Variants in AMZ2 observed in about 807,000 individuals in gnomAD.
AMZ2 encodes archaelysin family metallopeptidase 2, also known as archaemetzincin-2.
In AMZ2, 26 loss-of-function variants were observed where a neutral mutation model predicts 36.7. The ratio of observed to expected loss-of-function variants is 0.71; its 90% CI spans 0.52 to 0.98. The LOEUF (loss-of-function observed/expected upper bound fraction) is 0.98. Ranked by LOEUF, AMZ2 falls within the 50% of genes least tolerant of loss-of-function variation. AMZ2 has a pLI of 0.00. For missense variants in AMZ2, 394 were observed against 430.5 expected, an observed-to-expected ratio of 0.92 and a Z score of 0.75; for synonymous variants, 144 against 149.1, an observed-to-expected ratio of 0.97 and a Z score of 0.25.
At chr17:68,228,478 G>C (rs2073572386) in intron 1 of AMZ2, among the ~76,000 whole-genome samples, 1 of 152,180 alleles carries the variant, frequency 6.6e-6, no homozygotes, top group East Asian at 1.9e-4. Flanking sequence ...CTGAGGACAA[G>C]GCTCTCTCCA....
Position 68,255,755 on chromosome 17 carries a change from C to T in AMZ2, c.806C>T (p.Ala269Val), listed in dbSNP as rs782337022. 5.9e-5 allele frequency: 95 copies of T among 1,614,090 alleles called. No homozygotes were observed. Among genetic ancestry groups the T allele is most frequent in the Non-Finnish European group, 7.5e-5 (89 of 1,180,048 alleles). Residue 269 changes from alanine to valine, a missense_variant, in exon 6 of 7, where the codon GCA (alanine) becomes GTA (valine). Ala to Val is a moderately conservative substitution (Grantham distance 64). Coordinates refer to ENST00000359904, the MANE Select transcript of AMZ2 (RefSeq NM_016627.5). ...IFGLRHCQWL[A>V]CLMQGSNHLE... ...GGACTGCGACACTGCCAGTGGCTTGCATGCCTCATGCAAGGCTCCAACCAC... is the reference window on the plus strand; with the variant it reads ...GGACTGCGACACTGCCAGTGGCTTGTATGCCTCATGCAAGGCTCCAACCAC...
rs1340049646 is a variant in AMZ2, at chr17:68,248,111, GT to G, written c.-594del. 1.0e-6 allele frequency: 1 copy of G among 986,338 alleles called. No homozygotes were observed. Among genetic ancestry groups the G allele is most frequent in the African/African-American group, 1.7e-5 (1 of 57,266 alleles). 61.1% of individuals were successfully genotyped at this position (986,338 alleles called of 1,614,324 possible). A position where few individuals can be genotyped will look rare whatever the true frequency, so the allele number is the denominator to read the frequency against. On this transcript the variant is annotated 5_prime_UTR_variant, in exon 1 of 7. It removes the in-frame stop codon of an upstream open reading frame in the 5' UTR. Transcript: ENST00000359904. ...GGTGGGTGGTATCGAGGCCTGTCGG[GT>G]CAGGGCGGTTCGCGGGTGCTGTCAG...
Position 68,255,717 on chromosome 17 carries a change from C to G in AMZ2, c.768C>G (p.Ile256Met), listed in dbSNP as rs138911562. The G allele has an allele frequency of 6.2e-7, 1 of 1,614,038 alleles. No individual in the cohort carries two copies. Among genetic ancestry groups the G allele is most frequent in the East Asian group, 2.2e-5 (1 of 44,880 alleles). ...TCTTGCAGACTTTAACCCATGAGAT[C>G]GGACACATATTTGGACTGCGACACT... ...LRSCKTLTHE[I>M]GHIFGLRHCQ... is the part of the protein sequence containing the mutation. The change falls in exon 6 of 7, where the codon ATC becomes ATG. Residue 256 changes from isoleucine to methionine, a missense_variant. Transcript: ENST00000359904.
intron 1 of AMZ2, among the ~76,000 whole-genome samples, chr17:68,208,758 C>T (rs552871166): frequency 6.6e-6 from 1 of 152,182 alleles, no homozygotes; most frequent in Non-Finnish European, 1.5e-5. Flanking sequence ...CTAAAGCCAG[C>T]GAGACCACGA....
intron 1 of AMZ2, among the ~76,000 whole-genome samples, chr17:68,238,716 T>C (rs2073843265): frequency 7.9e-5 from 12 of 152,174 alleles, no homozygotes; most frequent in Admixed American, 7.9e-4. Context: ...ACTGACTGCT[T>C]TGCGATTTGT....
At chr17:68,255,954 C>T in intron 6 of AMZ2, 78 bp downstream of exon 6, 2 of 1,392,798 alleles carry the variant, frequency 1.4e-6, no homozygotes, top group Non-Finnish European at 1.9e-6. Flanking sequence ...TTATATCCTT[C>T]TCTGGAGTTA....
chr17:68,230,296 A>G (rs2073626696), intron 1 of AMZ2, among the ~76,000 whole-genome samples: 1 of 151,918 alleles, frequency 6.6e-6, no homozygotes, highest in Non-Finnish European at 1.5e-5. Flanking sequence ...CTGGTCTCGA[A>G]CTCCTGACCC....
At chr17:68,222,860 G>A (rs1428014826) in intron 1 of AMZ2, among the ~76,000 whole-genome samples, 2 of 152,182 alleles carry the variant, frequency 1.3e-5, no homozygotes, top group Admixed American at 6.5e-5. Flanking sequence ...GTGTGGCCCA[G>A]TTCCTAACAA....
intron 2 of AMZ2, 25 bp downstream of exon 2, chr17:68,250,495 T>C: frequency 3.1e-6 from 5 of 1,607,168 alleles, no homozygotes; most frequent in Non-Finnish European, 4.3e-6. Context: ...TGTGCTGGTT[T>C]TGGTTCAGTT....
At chr17:68,247,888 C>G, upstream of AMZ2, 1 of 985,504 alleles carries the variant, frequency 1.0e-6, no homozygotes, top group Non-Finnish European at 1.2e-6. Context: ...GGGTCGCGGC[C>G]GCTGAACTCC....
intron 1 of AMZ2, 184 bp downstream of exon 1, chr17:68,248,889 A>G: frequency 1.5e-6 from 1 of 667,148 alleles, no homozygotes; most frequent in Non-Finnish European, 1.9e-6. Context: ...CAATCAGAAC[A>G]GACATTAGCT....
intron 4 of AMZ2, 46 bp from the exon 5 acceptor site, chr17:68,254,358 C>T (rs375365530): frequency 1.9e-5 from 29 of 1,563,810 alleles, no homozygotes; most frequent in Non-Finnish European, 2.6e-6. Context: ...GGTCTTTCTT[C>T]AGGGACCTTA....
At chr17:68,228,852 A>C (rs1260267673) in intron 1 of AMZ2, among the ~76,000 whole-genome samples, 1 of 152,222 alleles carries the variant, frequency 6.6e-6, no homozygotes, top group African/African-American at 2.4e-5. Flanking sequence ...AGCAGCCTAC[A>C]TCCACAGCGG....
chr17:68,233,588 C>T (rs2073719595), intron 1 of AMZ2, among the ~76,000 whole-genome samples: 2 of 151,838 alleles, frequency 1.3e-5, no homozygotes, highest in Admixed American at 1.3e-4. Flanking sequence ...GAACCTATGT[C>T]CCCAGCCCTC....
intron 1 of AMZ2, among the ~76,000 whole-genome samples, chr17:68,221,158 C>T (rs1555728363): frequency 6.7e-6 from 1 of 149,706 alleles, no homozygotes; most frequent in Non-Finnish European, 1.5e-5. Context: ...TCACAGTTCA[C>T]TGCAGCCTTG....
intron 1 of AMZ2, chr17:68,249,660 G>A (rs538902088): frequency 7.4e-6 from 1 of 135,542 alleles, no homozygotes; most frequent in East Asian, 2.2e-4. Context: ...TCACCGTGAG[G>A]TTTTTTTTTT....
chr17:68,225,872 C>T (rs782085405), intron 1 of AMZ2, among the ~76,000 whole-genome samples: 1 of 152,182 alleles, frequency 6.6e-6, no homozygotes, highest in Non-Finnish European at 1.5e-5. Context: ...GATCCACCCA[C>T]CTTGGCCTCC....
intron 1 of AMZ2, among the ~76,000 whole-genome samples, chr17:68,221,554 C>G (rs1161454169): frequency 1.3e-5 from 2 of 151,900 alleles, no homozygotes; most frequent in Non-Finnish European, 2.9e-5. Context: ...AGTGAAACCC[C>G]ATCTCTACTA....
intron 1 of AMZ2, chr17:68,207,451 CT>C (rs2072874880): frequency 2.0e-5 from 3 of 151,834 alleles, no homozygotes; most frequent in African/African-American, 7.3e-5. Context: ...AAATTAGAAT[CT>C]GTTTTTAAAA....
Sources: gnomAD v4.1 joint callset for allele counts (sites outside exome capture counted in the v4.1 genomes callset) on GRCh38, gnomAD v4.1.1 for gene constraint, MANE v1.5 for transcripts, NCBI Gene and HGNC (gene_info 2026-07-23, HGNC 2026-07-21) for gene names.